MKS1: variants seen among roughly 807,000 people sequenced by gnomAD.
MKS1 encodes MKS transition zone complex subunit 1.
MKS1 carries 70 observed loss-of-function variants against 83.7 expected under a neutral mutation model. That is an observed-to-expected ratio of 0.84 (90% CI 0.69 to 1.02). MKS1 has a LOEUF of 1.02. Ranked by LOEUF, MKS1 falls within the 50% of genes least tolerant of loss-of-function variation. MKS1 has a pLI of 0.00. For missense variants in MKS1, 681 were observed against 726.9 expected (o/e 0.94, Z 0.73); for synonymous variants, 251 against 273.4 (o/e 0.92, Z 0.81).
rs1314314357 is a variant in MKS1, at chr17:58,213,108, C to T, written c.750-18G>A. On this transcript the variant is annotated intron_variant, in intron 7 of 17. Coordinates refer to ENST00000393119, the MANE Select transcript of MKS1 (RefSeq NM_017777.4). Reference sequence around the variant, plus strand: ...TCTCAATCCTGTAAGGTCAAAACCACAGAAAGGAGCAACTCTAATAATGAG... The same window carrying T: ...TCTCAATCCTGTAAGGTCAAAACCATAGAAAGGAGCAACTCTAATAATGAG... The T allele has an allele frequency of 1.9e-6, 3 of 1,610,268 alleles. No homozygotes were observed. Among genetic ancestry groups the T allele is most frequent in the Non-Finnish European group, 1.7e-6 (2 of 1,176,610 alleles).
intron 14 of MKS1, 98 bp downstream of exon 14, chr17:58,207,796 C>A: frequency 8.6e-7 from 1 of 1,162,978 alleles, no homozygotes. Flanking sequence ...TTTCCAATTC[C>A]CAATTATCTC....
chr17:58,214,084 GAGA>G lies in MKS1; in HGVS notation c.644+172_644+174del, dbSNP rs1199490140. On this transcript the variant is annotated intron_variant, in intron 6 of 17. Coordinates refer to ENST00000393119, the MANE Select transcript of MKS1 (RefSeq NM_017777.4). ...ACAGGAAGGGGATAGCTGGTGAGAG[GAGA>G]AGAAGATGAGGATCTGAGTTGGCAG... Among the ~76,000 whole-genome samples, 8 of 152,282 alleles carry G rather than the reference GAGA, an allele frequency of 5.3e-5. 1 individual carries two copies. In the East Asian group the frequency reaches 1.4e-3, roughly 26 times the overall value.
rs1289531751 is a variant in MKS1 at position 58,216,333 on chromosome 17, C to T, written c.262-90G>A. ...TAACTGTTTAATCAAATCAGTTCTA[C>T]AGAACTGATGCTATCTGACATGTTT... On this transcript the variant is annotated intron_variant, in intron 3 of 17. Transcript: ENST00000393119. 21 of 1,323,698 alleles carry T rather than the reference C, an allele frequency of 1.6e-5. No individual in the cohort carries two copies. Among genetic ancestry groups the T allele is most frequent in the African/African-American group, 2.9e-5 (2 of 69,108 alleles). The allele number at this position is 1,323,698 out of a possible 1,614,324, so 82.0% of individuals were successfully genotyped here.
chr17:58,206,741 A>T (rs1968537721), intron 15 of MKS1, 194 bp from the exon 16 acceptor site: 1 of 692,034 alleles, frequency 1.4e-6, no homozygotes, highest in Admixed American at 2.2e-5. Context: ...AAACCAGGGA[A>T]CATTCCAACC....
intron 9 of MKS1, among the ~76,000 whole-genome samples, chr17:58,211,299 A>G (rs1337629407): frequency 1.3e-5 from 2 of 152,242 alleles, no homozygotes; most frequent in Admixed American, 6.5e-5. Flanking sequence ...GTGGTGTGCA[A>G]TGGGAAGCCA....
chr17:58,216,635 T>C (rs375847388), intron 3 of MKS1, 31 bp downstream of exon 3: 2 of 1,609,068 alleles, frequency 1.2e-6, no homozygotes, highest in African/African-American at 2.7e-5. Context: ...CCAGATGGAA[T>C]AGACAGAGAA....
At position 58,206,521 on chromosome 17, in the gene MKS1, G is replaced by A. The variant is rs1463944569; in HGVS notation, c.1434C>T (p.Leu478=). 2 of 1,613,752 alleles carry A rather than the reference G, an allele frequency of 1.2e-6. No individual in the cohort carries two copies. Among genetic ancestry groups the A allele is most frequent in the Non-Finnish European group, 1.7e-6 (2 of 1,180,016 alleles). ...TGACAGTGCCTGTGGTCTCTGTGCG[G>A]AGTCCAAAGCGGCTCAGGCGTTCCC... ...FKGERLSRFG[L]RTETTGTVTF... is the part of the protein sequence containing the mutation. The change falls in exon 16 of 18, where the codon CTC becomes CTT. Residue 478 remains leucine, a synonymous_variant. Coordinates refer to ENST00000393119, the MANE Select transcript of MKS1 (RefSeq NM_017777.4).
At chr17:58,212,916 A>G in intron 8 of MKS1, 66 bp downstream of exon 8, 1 of 1,504,270 alleles carries the variant, frequency 6.6e-7, no homozygotes, top group Non-Finnish European at 9.3e-7. Context: ...CATCAAGTTC[A>G]GAAATGGTCT....
rs797004592 is a variant in MKS1 at position 58,211,158 on chromosome 17, C to G, written c.916-136G>C. ...GGGTGTCACTACTGCACTTTCTCCC[C>G]ACCCTGACACTTCTCCACAGATCTG... On this transcript the variant is annotated intron_variant, in intron 9 of 17. Transcript: ENST00000393119. The G allele has an allele frequency of 1.7e-5, 13 of 751,708 alleles. No homozygotes were observed. The African/African-American group carries it at 2.0e-4, about 12-fold the overall frequency. 46.6% of individuals were successfully genotyped at this position (751,708 alleles called of 1,614,324 possible). A position where few individuals can be genotyped will look rare whatever the true frequency, so the allele number is the denominator to read the frequency against.
In MKS1 at chr17:58,218,506, G is replaced by A. The variant is rs1046400441; in HGVS notation, c.190+114C>T. 2.4e-5 allele frequency: 14 copies of A among 593,328 alleles called. 1 individual carries two copies. Among genetic ancestry groups the A allele is most frequent in the South Asian group, 1.5e-4 (10 of 65,168 alleles). 36.8% of individuals were successfully genotyped at this position (593,328 alleles called of 1,614,324 possible). A position where few individuals can be genotyped will look rare whatever the true frequency, so the allele number is the denominator to read the frequency against. On this transcript the variant is annotated intron_variant, in intron 2 of 17. Transcript: ENST00000393119. The stretch of plus-strand genomic sequence containing the variant: ...GCCACAAATAGAATGTAGGTTGCCG[G>A]GCAACTCTATAACATATCAGAAGTA...
intron 15 of MKS1, 133 bp downstream of exon 15, chr17:58,206,952 C>G (rs1968549333): frequency 7.5e-7 from 1 of 1,330,250 alleles, no homozygotes; most frequent in African/African-American, 1.5e-5. Flanking sequence ...TGACTTCCAG[C>G]TTAAGCCACA....
chr17:58,216,050 C>T lies in MKS1; in HGVS notation c.417+38G>A, dbSNP rs749985136. On this transcript the variant is annotated intron_variant, in intron 4 of 17. Coordinates refer to ENST00000393119, the MANE Select transcript of MKS1 (RefSeq NM_017777.4). ...AGTGAGGCAAAAAAGCTAGAGGAAG[C>T]AAAGATGGAAGCTATGAGACCCTAG... The T allele has an allele frequency of 3.1e-6, 5 of 1,611,698 alleles. No individual in the cohort carries two copies. In the South Asian group the frequency reaches 5.5e-5, roughly 18 times the overall value.
intron 3 of MKS1, 146 bp downstream of exon 3, chr17:58,216,520 C>T: frequency 1.0e-6 from 1 of 962,040 alleles, no homozygotes; most frequent in South Asian, 1.4e-5. Flanking sequence ...AGTGGCAATC[C>T]CTATGTTACA....
At position 58,218,647 on chromosome 17, in the gene MKS1, C is replaced by T. The variant is rs1567808384; in HGVS notation, c.163G>A (p.Ala55Thr). The change falls in exon 2 of 18, where the codon GCC (alanine) becomes ACC (threonine). Residue 55 changes from alanine to threonine, a missense_variant. This residue lies in a region of MKS1 where 365 missense variants were observed against 383.8 expected (regional missense o/e 0.95). Coordinates refer to ENST00000393119, the MANE Select transcript of MKS1 (RefSeq NM_017777.4). ...AELGKDLIDL[A>T]TFRPQPTASG... is the part of the protein sequence containing the mutation. ...GCAGTTGGCTGAGGCCTAAAAGTGG[C>T]CAAGTCTATGAGGTCCTTCCCGAGC... The T allele has an allele frequency of 6.2e-7, 1 of 1,613,576 alleles. No homozygotes were observed. The highest frequency in any genetic ancestry group is 1.1e-5 in the South Asian group (1 of 91,054).
In MKS1 at chr17:58,207,509, C is replaced by G. The variant is rs1968593878; in HGVS notation, c.1274-291G>C. 9.0e-6 allele frequency: 5 copies of G among 555,206 alleles called. No individual in the cohort carries two copies. The South Asian group carries it at 1.0e-4, about 11-fold the overall frequency. 34.4% of individuals were successfully genotyped at this position (555,206 alleles called of 1,614,324 possible). A position where few individuals can be genotyped will look rare whatever the true frequency, so the allele number is the denominator to read the frequency against. On this transcript the variant is annotated intron_variant, in intron 14 of 17. Transcript: ENST00000393119. ...AAAATGGAAATAATACCACCTGCAC[C>G]TCACAGAGTGACTGGGAGAATTAAG...
intron 10 of MKS1, 37 bp downstream of exon 10, chr17:58,210,943 C>G: frequency 3.1e-6 from 5 of 1,606,982 alleles, no homozygotes; most frequent in Non-Finnish European, 4.3e-6. Flanking sequence ...AGGCACGTGC[C>G]TAAGCATCAA....
rs1487148914 is a variant in MKS1, at chr17:58,209,052, T to C, written c.1025-469A>G. ...TAGTACAGAACAAAATGGAGTCTCC[T>C]ATGTCTACTTCTTTCTACACAGACA... is the stretch of plus-strand genomic sequence containing the variant. On this transcript the variant is annotated intron_variant, in intron 11 of 17. Transcript: ENST00000393119. The surrounding 1 kb of genome is among the most constrained non-coding windows in gnomAD (Gnocchi z 4.1). Among the ~76,000 whole-genome samples the C allele has an allele frequency of 2.6e-5, 4 of 152,192 alleles. No individual in the cohort carries two copies. Among genetic ancestry groups the C allele is most frequent in the South Asian group, 2.1e-4 (1 of 4,830 alleles).
chr17:58,206,574 A>G (rs1331571764), intron 15 of MKS1, 27 bp from the exon 16 acceptor site: 1 of 1,599,954 alleles, frequency 6.3e-7, no homozygotes. Context: ...GGACAGCCTC[A>G]GGTTTCTGCT....
intron 5 of MKS1, 27 bp from the exon 6 acceptor site, chr17:58,214,414 T>G (rs551997610): frequency 6.2e-7 from 1 of 1,612,294 alleles, no homozygotes; most frequent in Admixed American, 1.7e-5. Flanking sequence ...AAAGGTCACT[T>G]CCCTGGCACA....
Sources: gnomAD v4.1 joint callset for allele counts (sites outside exome capture counted in the v4.1 genomes callset) on GRCh38, gnomAD v4.1.1 for gene constraint, gnomAD v4.1.1 regional missense constraint, Gnocchi (gnomAD v3.1) non-coding constraint, MANE v1.5 for transcripts, NCBI Gene and HGNC (gene_info 2026-07-23, HGNC 2026-07-21) for gene names.